MACROD1: variants seen among roughly 807,000 people sequenced by gnomAD.
The protein encoded by MACROD1 is mono-ADP ribosylhydrolase 1.
MACROD1 carries 31 observed loss-of-function variants against 41.4 expected under a neutral mutation model. That is an observed-to-expected ratio of 0.75 (90% confidence interval 0.56 to 1.01). MACROD1 has a LOEUF of 1.01. MACROD1 is among the 50% of genes least tolerant of loss of function. The pLI, the probability that MACROD1 is intolerant of heterozygous loss-of-function variation, is 0.00. For synonymous variants in MACROD1, 252 were observed against 203.4 expected (o/e 1.24, Z -2.03); for missense variants, 473 against 460.0 (o/e 1.03, Z -0.26).
At chr11:64,077,313 C>G (rs1944220234) in intron 3 of MACROD1, among the ~76,000 whole-genome samples, 1 of 152,176 alleles carries the variant, frequency 6.6e-6, no homozygotes, top group African/African-American at 2.4e-5. Context: ...GTCAGGGAGG[C>G]CAGCACCATC....
intron 1 of MACROD1, among the ~76,000 whole-genome samples, chr11:64,153,485 C>T (rs1945617027): frequency 6.7e-6 from 1 of 150,276 alleles, no homozygotes; most frequent in Admixed American, 6.6e-5. Context: ...TAGGTCCCTC[C>T]ACAAATGTTC....
chr11:64,049,011 G>A (rs1040056673), intron 3 of MACROD1, among the ~76,000 whole-genome samples: 32 of 152,226 alleles, frequency 2.1e-4, no homozygotes, highest in African/African-American at 7.7e-4. Flanking sequence ...CTGGGGTGCC[G>A]GCTGCCTCCT....
At chr11:64,148,289 T>C (rs1468341753) in intron 3 of MACROD1, among the ~76,000 whole-genome samples, 1 of 152,156 alleles carries the variant, frequency 6.6e-6, no homozygotes, top group Non-Finnish European at 1.5e-5. Context: ...AGCCCTCTCC[T>C]AGCTCCCACT....
At chr11:64,153,103 C>T (rs1328083421) in intron 1 of MACROD1, among the ~76,000 whole-genome samples, 1 of 151,822 alleles carries the variant, frequency 6.6e-6, no homozygotes, top group Non-Finnish European at 1.5e-5. Flanking sequence ...CGGGGTCCAC[C>T]CTGGCCGGCT....
chr11:64,021,639 C>T (rs1263662924), intron 3 of MACROD1, among the ~76,000 whole-genome samples: 3 of 152,154 alleles, frequency 2.0e-5, no homozygotes, highest in East Asian at 1.9e-4. Flanking sequence ...CCTGGAGGGG[C>T]CCCAGCCAGG....
In MACROD1 at chr11:64,166,063, CTTAT is replaced by C; in HGVS notation, c.-73_-70del. On this transcript the variant is annotated 5_prime_UTR_variant, in exon 1 of 11. Transcript: ENST00000255681. Reference sequence around the variant, plus strand: ...TTACGGCGCTCGGGAGTGTCTCTCCCTTATTTACTCTGGGACCGGGTGGCGACTG... The same window carrying C: ...TTACGGCGCTCGGGAGTGTCTCTCCCTTACTCTGGGACCGGGTGGCGACTG... The C allele has an allele frequency of 8.1e-7, 1 of 1,234,602 alleles. No individual in the cohort carries two copies. Among genetic ancestry groups the C allele is most frequent in the Non-Finnish European group, 1.0e-6 (1 of 989,912 alleles). 76.5% of individuals were successfully genotyped at this position (1,234,602 alleles called of 1,614,324 possible).
chr11:64,057,373 C>T (rs568128590), intron 3 of MACROD1, among the ~76,000 whole-genome samples: 1 of 152,348 alleles, frequency 6.6e-6, no homozygotes, highest in African/African-American at 2.4e-5. Context: ...GTTTCACCTA[C>T]CAAGGCAGAT....
At chr11:64,014,214 G>A (rs1255320873) in intron 4 of MACROD1, among the ~76,000 whole-genome samples, 8 of 152,070 alleles carry the variant, frequency 5.3e-5, no homozygotes, top group Non-Finnish European at 7.4e-5. Flanking sequence ...GACAGGCTTC[G>A]GAAGAGGGTC....
intron 3 of MACROD1, among the ~76,000 whole-genome samples, chr11:64,112,651 C>T (rs1031114026): frequency 1.6e-4 from 25 of 152,194 alleles, no homozygotes; most frequent in Admixed American, 6.5e-4. Context: ...CAGGAAAGGC[C>T]TCACTGGAAG....
At chr11:64,003,227 C>G (rs1830528989) in intron 4 of MACROD1, among the ~76,000 whole-genome samples, 1 of 152,176 alleles carries the variant, frequency 6.6e-6, no homozygotes, top group South Asian at 2.1e-4. Flanking sequence ...GATATGGCTC[C>G]TTCATATCAG....
chr11:64,101,579 G>A (rs750159640), intron 3 of MACROD1, among the ~76,000 whole-genome samples: 6 of 152,116 alleles, frequency 3.9e-5, no homozygotes, highest in Non-Finnish European at 8.8e-5. Context: ...CCAGGGAGGC[G>A]GATGACCTCA....
intron 3 of MACROD1, among the ~76,000 whole-genome samples, chr11:64,061,613 T>G (rs1388678580): frequency 6.6e-6 from 1 of 152,236 alleles, no homozygotes; most frequent in Non-Finnish European, 1.5e-5. Flanking sequence ...CGAATCTGCA[T>G]GCCTCTCTGG....
At chr11:64,074,191 C>G (rs535094050) in intron 3 of MACROD1, among the ~76,000 whole-genome samples, 9 of 152,298 alleles carry the variant, frequency 5.9e-5, no homozygotes, top group Admixed American at 3.9e-4. Context: ...ATGGGGAAAC[C>G]GAGGCAGAGA....
At chr11:64,007,899 G>C (rs889518829) in intron 4 of MACROD1, among the ~76,000 whole-genome samples, 1 of 152,240 alleles carries the variant, frequency 6.6e-6, no homozygotes, top group African/African-American at 2.4e-5. Context: ...CCTCCAGAGG[G>C]CCGAGGCTGG....
chr11:64,116,738 C>T lies in MACROD1; in HGVS notation c.517+34501G>A, dbSNP rs1348763003. 1.1e-5 allele frequency: 18 copies of T among 1,613,632 alleles called. No homozygotes were observed. The South Asian group carries it at 1.6e-4, about 15-fold the overall frequency. On this transcript the variant is annotated intron_variant, in intron 3 of 10. Transcript: ENST00000255681. The stretch of plus-strand genomic sequence containing the variant: ...GCATCCCGCTGCTGGAGAAGCTGCA[C>T]CTGGATGACAACTCCGTGTCCACCG...
rs2134496241 is a variant in MACROD1 at position 64,082,539 on chromosome 11, G to C, written c.518-67258C>G. ...CTCGGTGCCTAACGGTGGTGGCCGT[G>C]GGAGTCAGAGCTCCAGGCGGAAGTA... On this transcript the variant is annotated intron_variant, in intron 3 of 10. Transcript: ENST00000255681. The surrounding 1 kb of genome is among the most constrained non-coding windows in gnomAD (Gnocchi z 4.5). Among the ~76,000 whole-genome samples the C allele has an allele frequency of 6.6e-6, 1 of 152,080 alleles. No homozygotes were observed. Among genetic ancestry groups the C allele is most frequent in the South Asian group, 2.1e-4 (1 of 4,810 alleles).
intron 3 of MACROD1, among the ~76,000 whole-genome samples, chr11:64,150,119 G>A (rs916471243): frequency 6.6e-6 from 1 of 152,258 alleles, no homozygotes; most frequent in Non-Finnish European, 1.5e-5. Flanking sequence ...ACAGTGGGAA[G>A]ACGCATAGAG....
chr11:64,000,321 G>T lies in MACROD1; in HGVS notation c.570C>A (p.Ala190=), dbSNP rs1289959781. 1 of 1,588,782 alleles carries T rather than the reference G, an allele frequency of 6.3e-7. No individual in the cohort carries two copies. Among genetic ancestry groups the T allele is most frequent in the South Asian group, 1.1e-5 (1 of 87,478 alleles). ...GGGVDGCIHR[A]AGPLLTDECR... is the part of the protein sequence containing the mutation. ...ACTCGTCGGTAAGCAGGGGGCCGGC[G>T]GCCCGATGAATGCAGCCGTCCACTG... The change falls in exon 5 of 11, where the codon GCC becomes GCA. Residue 190 remains alanine (A), a synonymous_variant. Coordinates refer to ENST00000255681, the MANE Select transcript of MACROD1 (RefSeq NM_014067.4).
At chr11:64,092,024 C>T (rs1328608922) in intron 3 of MACROD1, among the ~76,000 whole-genome samples, 1 of 152,218 alleles carries the variant, frequency 6.6e-6, no homozygotes, top group African/African-American at 2.4e-5. Context: ...CACGTGATCT[C>T]AGCTCCTGAG....
Sources: allele counts gnomAD v4.1 joint callset (sites outside exome capture counted in the v4.1 genomes callset), GRCh38; gene constraint gnomAD v4.1.1; non-coding constraint Gnocchi (gnomAD v3.1); transcripts MANE v1.5; gene names NCBI Gene and HGNC (gene_info 2026-07-23, HGNC 2026-07-21).